The following PTPDC1 variants were observed in gnomAD, a reference collection of about 807,000 sequenced individuals.
PTPDC1 encodes the protein protein tyrosine phosphatase domain-containing protein 1.
In PTPDC1, 53 loss-of-function variants were observed where a neutral mutation model predicts 75.3. That is an observed-to-expected ratio of 0.70 (90% confidence interval 0.56 to 0.88). PTPDC1 has a LOEUF of 0.88. Ranked by LOEUF, PTPDC1 falls within the 40% of genes least tolerant of loss-of-function variation. The pLI, the probability that PTPDC1 is intolerant of heterozygous loss-of-function variation, is 0.00. For missense variants in PTPDC1, 925 were observed against 998.6 expected, an observed-to-expected ratio of 0.93 and a Z score of 0.99; for synonymous variants, 349 against 366.2, an observed-to-expected ratio of 0.95 and a Z score of 0.54.
chr9:94,056,212 C>T (rs1825929549), intron 1 of PTPDC1, among the ~76,000 whole-genome samples: 1 of 152,086 alleles, frequency 6.6e-6, no homozygotes, highest in Non-Finnish European at 1.5e-5. Context: ...CAGTACCTGG[C>T]ATGGTGTAAG....
At chr9:94,038,207 T>TG in intron 1 of PTPDC1, 1 of 850,556 alleles carries the variant, frequency 1.2e-6, no homozygotes, top group Non-Finnish European at 2.0e-6. Flanking sequence ...AGGCATCACC[T>TG]GGGGAGAGGA....
intron 4 of PTPDC1, among the ~76,000 whole-genome samples, chr9:94,092,264 A>G (rs1252622117): frequency 6.9e-6 from 1 of 144,396 alleles, no homozygotes; most frequent in African/African-American, 2.6e-5. Context: ...AATGCGTCCC[A>G]GAGATTCTGG....
At chr9:94,067,315 G>A (rs1452580154) in intron 2 of PTPDC1, among the ~76,000 whole-genome samples, 10 of 151,814 alleles carry the variant, frequency 6.6e-5, no homozygotes, top group African/African-American at 1.9e-4. Context: ...GCTTGAACCC[G>A]GGAGGTAGAG....
chr9:94,078,696 A>G (rs1826776631), intron 2 of PTPDC1, among the ~76,000 whole-genome samples: 1 of 152,112 alleles, frequency 6.6e-6, no homozygotes, highest in Non-Finnish European at 1.5e-5. Context: ...AGAGTGCATA[A>G]TCTCTATCAG....
At chr9:94,067,522 A>G (rs546259679) in intron 2 of PTPDC1, among the ~76,000 whole-genome samples, 5 of 152,286 alleles carry the variant, frequency 3.3e-5, no homozygotes, top group Admixed American at 6.5e-5. Flanking sequence ...TAGATATACC[A>G]TAGATATAAT....
chr9:94,047,889 A>G (rs1233590540), intron 1 of PTPDC1, among the ~76,000 whole-genome samples: 1 of 152,240 alleles, frequency 6.6e-6, no homozygotes, highest in Non-Finnish European at 1.5e-5. Context: ...ATATCTGAAT[A>G]GACCAATTAC....
chr9:94,098,734 C>T, intron 6 of PTPDC1, 155 bp downstream of exon 6: 1 of 678,230 alleles, frequency 1.5e-6, no homozygotes, highest in South Asian at 1.9e-5. Context: ...CTGATGCGAA[C>T]CTGATGTTAT....
Position 94,061,279 on chromosome 9 carries a change from G to A in PTPDC1, c.-6-3455G>A, listed in dbSNP as rs183973732. 1.8e-4 allele frequency among the ~76,000 whole-genome samples: 27 copies of A among 152,302 alleles called. No homozygotes were observed. The East Asian group carries it at 3.5e-3, about 20-fold the overall frequency. Reference sequence around the variant, plus strand: ...GGGCTCCCAAGGCCTTGGGCAGCTCGGCTCCTGTAGCTTTGCAGGGTTCAT... The same window carrying A: ...GGGCTCCCAAGGCCTTGGGCAGCTCAGCTCCTGTAGCTTTGCAGGGTTCAT... On this transcript the variant is annotated intron_variant, in intron 1 of 9. Coordinates refer to the PTPDC1 transcript ENST00000375360.
intron 1 of PTPDC1, among the ~76,000 whole-genome samples, chr9:94,035,087 A>C (rs1353952828): frequency 6.6e-6 from 1 of 152,218 alleles, no homozygotes; most frequent in African/African-American, 2.4e-5. Flanking sequence ...CTAGGAATTT[A>C]CATTTTCTCC....
chr9:94,056,256 A>G (rs558574699), intron 1 of PTPDC1, among the ~76,000 whole-genome samples: 16 of 152,282 alleles, frequency 1.1e-4, no homozygotes, highest in African/African-American at 3.9e-4. Context: ...TTATATTATT[A>G]ATGAGCATAA....
intron 1 of PTPDC1, among the ~76,000 whole-genome samples, chr9:94,047,674 G>A (rs1021579268): frequency 2.0e-5 from 3 of 152,074 alleles, no homozygotes; most frequent in African/African-American, 7.2e-5. Flanking sequence ...CTGCTAACAA[G>A]ACTAATAAAG....
chr9:94,051,937 G>C (rs535573784), intron 1 of PTPDC1, among the ~76,000 whole-genome samples: 5 of 152,136 alleles, frequency 3.3e-5, no homozygotes, highest in African/African-American at 1.2e-4. Context: ...TCCCAAGGAG[G>C]AAGCATAGGT....
intron 1 of PTPDC1, among the ~76,000 whole-genome samples, chr9:94,046,308 G>A (rs1178891519): frequency 6.6e-6 from 1 of 152,098 alleles, no homozygotes; most frequent in African/African-American, 2.4e-5. Context: ...TTTTGGCTTG[G>A]GATTGACTTG....
chr9:94,084,481 G>A lies in PTPDC1; in HGVS notation c.-50G>A. 6.3e-7 allele frequency: 1 copy of A among 1,598,380 alleles called. No homozygotes were observed. Among genetic ancestry groups the A allele is most frequent in the Non-Finnish European group, 8.5e-7 (1 of 1,178,324 alleles). On this transcript the variant is annotated 5_prime_UTR_variant, in exon 1 of 9. Transcript: ENST00000620992. Reference sequence around the variant, plus strand: ...CTGCTCTCAGTGAAAGTTCCTCACTGAGTGAGTGGGGCTGACTCTTCCTGC... The same window carrying A: ...CTGCTCTCAGTGAAAGTTCCTCACTAAGTGAGTGGGGCTGACTCTTCCTGC...
intron 4 of PTPDC1, among the ~76,000 whole-genome samples, chr9:94,092,931 G>T (rs1313241306): frequency 1.3e-5 from 2 of 150,174 alleles, no homozygotes; most frequent in Non-Finnish European, 3.0e-5. Context: ...GTTTTCCATT[G>T]GCTTGGTAGA....
chr9:94,035,483 C>T (rs1825236247), intron 1 of PTPDC1, among the ~76,000 whole-genome samples: 1 of 152,166 alleles, frequency 6.6e-6, no homozygotes, highest in Non-Finnish European at 1.5e-5. Flanking sequence ...TCTCTTATTC[C>T]ATCCACGTTG....
At chr9:94,046,860 A>G (rs1306700222) in intron 1 of PTPDC1, among the ~76,000 whole-genome samples, 1 of 151,940 alleles carries the variant, frequency 6.6e-6, no homozygotes, top group Non-Finnish European at 1.5e-5. Flanking sequence ...CTGATTGCCC[A>G]GGCCAGAACT....
chr9:94,032,136 C>A (rs1163533966), intron 1 of PTPDC1, among the ~76,000 whole-genome samples: 1 of 152,128 alleles, frequency 6.6e-6, no homozygotes, highest in Non-Finnish European at 1.5e-5. Context: ...GGATTTAAAT[C>A]CAAGTCTATG....
intron 1 of PTPDC1, among the ~76,000 whole-genome samples, chr9:94,034,302 C>CGGGT (rs1216156804): frequency 6.6e-6 from 1 of 152,090 alleles, no homozygotes; most frequent in Non-Finnish European, 1.5e-5. Context: ...GAGACTGAGA[C>CGGGT]GGGTGGATCA....
Sources: gnomAD v4.1 joint callset for allele counts (sites outside exome capture counted in the v4.1 genomes callset) on GRCh38, gnomAD v4.1.1 for gene constraint, MANE v1.5 for transcripts, NCBI Gene and HGNC (gene_info 2026-07-23, HGNC 2026-07-21) for gene names.